Variants in PRELID2 observed in about 807,000 individuals in gnomAD.
PRELID2 encodes the protein PRELI domain containing 2.
Under a neutral mutation model 28.4 loss-of-function variants are expected in PRELID2, and 25 were observed. That is an observed-to-expected ratio of 0.88 (90% confidence interval 0.64 to 1.23). The LOEUF is 1.23. PRELID2 is among the 50% of genes most tolerant of loss of function. The pLI is 0.00. For missense variants in PRELID2, 201 were observed against 214.4 expected (o/e 0.94, Z 0.39); for synonymous variants, 76 against 71.6 (o/e 1.06, Z -0.31).
chr5:145,761,635 C>A (rs1757481654), intron 6 of PRELID2, among the ~76,000 whole-genome samples: 1 of 152,150 alleles, frequency 6.6e-6, no homozygotes. Flanking sequence ...ATATTATAGG[C>A]TTTGTAGCTA....
chr5:145,313,549 TTA>T, the PRELID2 span, among the ~76,000 whole-genome samples: 61,653 of 151,906 alleles, frequency 0.41, 13,630 homozygotes, highest in African/African-American at 0.59. Flanking sequence ...TTTATGCTGT[TTA>T]TAGCCCAATG....
chr5:145,447,510 G>A, the PRELID2 span, among the ~76,000 whole-genome samples: 2 of 124,222 alleles, frequency 1.6e-5, no homozygotes, highest in African/African-American at 6.1e-5. Flanking sequence ...TAGGGTACAT[G>A]TGCATATTGT....
chr5:145,487,791 G>GT lies in PRELID2; in HGVS notation n.71-14477dup, dbSNP rs935721081. Among the ~76,000 whole-genome samples, 417 of 148,130 alleles carry GT rather than the reference G, an allele frequency of 2.8e-3. 2 individuals carry two copies. The highest frequency in any genetic ancestry group is 9.3e-3 in the African/African-American group (375 of 40,540). On this transcript the variant is annotated intron_variant and non_coding_transcript_variant, in intron 1 of 2. Coordinates refer to the PRELID2 transcript ENST00000510259. The stretch of plus-strand genomic sequence containing the variant: ...GAAATAGGATTTTAAAACTATTTTT[G>GT]TTTTTTTTTTCTTTTCCAACAGCAG...
chr5:145,817,202 A>AAGAAAAT (rs1341052896), intron 4 of PRELID2, among the ~76,000 whole-genome samples: 1 of 51,388 alleles, frequency 1.9e-5, no homozygotes, highest in African/African-American at 5.2e-5. Context: ...AAAAAAAATA[A>AAGAAAAT]ATAAATAAAT....
intron 1 of PRELID2, among the ~76,000 whole-genome samples, chr5:145,581,284 G>C (rs1348774103): frequency 6.6e-6 from 1 of 152,032 alleles, no homozygotes; most frequent in African/African-American, 2.4e-5. Context: ...GAAGCCATGT[G>C]TTGTCAATAT....
At chr5:145,717,393 C>T (rs1023720309) in intron 1 of PRELID2, among the ~76,000 whole-genome samples, 4 of 152,008 alleles carry the variant, frequency 2.6e-5, no homozygotes, top group African/African-American at 9.7e-5. Context: ...CTCAGCTGTA[C>T]ACTTTAAAAT....
chr5:145,448,340 T>G, the PRELID2 span, among the ~76,000 whole-genome samples: 5 of 152,090 alleles, frequency 3.3e-5, no homozygotes, highest in South Asian at 2.1e-4. Context: ...TCTTGTAAAT[T>G]TGTTTGAGTT....
chr5:145,502,843 G>GT (rs35862613), intron 1 of PRELID2, among the ~76,000 whole-genome samples: 4,889 of 147,224 alleles, frequency 0.033, 248 homozygotes, highest in African/African-American at 0.11. Flanking sequence ...ATCCCCAGAA[G>GT]TTTTTTTTTT....
chr5:145,558,609 T>C (rs1240949742), intron 1 of PRELID2, among the ~76,000 whole-genome samples: 4 of 152,216 alleles, frequency 2.6e-5, no homozygotes, highest in South Asian at 2.1e-4. Context: ...CTTTAAGGCT[T>C]CCATTTTCAA....
At chr5:145,351,070 A>T in the PRELID2 span, among the ~76,000 whole-genome samples, 1 of 152,212 alleles carries the variant, frequency 6.6e-6, no homozygotes, top group African/African-American at 2.4e-5. Context: ...ACCACAACTT[A>T]CAAAAGAGGA....
the PRELID2 span, among the ~76,000 whole-genome samples, chr5:145,427,498 C>G: frequency 2.0e-5 from 3 of 152,064 alleles, no homozygotes; most frequent in Admixed American, 2.0e-4. Flanking sequence ...TAGTGGAGAG[C>G]GCAGAATCAG....
At chr5:145,286,184 T>G in the PRELID2 span, among the ~76,000 whole-genome samples, 1 of 152,190 alleles carries the variant, frequency 6.6e-6, no homozygotes, top group Non-Finnish European at 1.5e-5. Flanking sequence ...TTATTAGCAC[T>G]GTCTTAAGGT....
At chr5:145,741,631 T>A (rs189605962) in intron 1 of PRELID2, among the ~76,000 whole-genome samples, 2 of 4,864 alleles carry the variant, frequency 4.1e-4, no homozygotes, top group Non-Finnish European at 7.0e-4. Flanking sequence ...AATAATTTAT[T>A]TATAATTTAT....
chr5:145,458,458 ATACT>A, the PRELID2 span, among the ~76,000 whole-genome samples: 1 of 152,194 alleles, frequency 6.6e-6, no homozygotes, highest in Non-Finnish European at 1.5e-5. Flanking sequence ...TTTCGTTATA[ATACT>A]TAGTAGTGGT....
chr5:145,377,299 T>TCAA, the PRELID2 span, among the ~76,000 whole-genome samples: 1 of 152,210 alleles, frequency 6.6e-6, no homozygotes, highest in Middle Eastern at 3.2e-3. Context: ...TGAAGTGTTT[T>TCAA]ACTTCCAATT....
chr5:145,313,185 A>G, the PRELID2 span, among the ~76,000 whole-genome samples: 1 of 152,202 alleles, frequency 6.6e-6, no homozygotes, highest in Non-Finnish European at 1.5e-5. Flanking sequence ...ATAAATATAT[A>G]TAAGGTAACA....
the PRELID2 span, among the ~76,000 whole-genome samples, chr5:145,414,567 A>G: frequency 1.3e-5 from 2 of 152,120 alleles, no homozygotes; most frequent in Non-Finnish European, 2.9e-5. Flanking sequence ...CTTATTTCCA[A>G]TATGTTTAAG....
chr5:145,622,209 T>C (rs987350562), intron 1 of PRELID2, among the ~76,000 whole-genome samples: 1 of 152,100 alleles, frequency 6.6e-6, no homozygotes, highest in South Asian at 2.1e-4. Context: ...AGAACAAAAT[T>C]TTTTTTCAGG....
In PRELID2 at chr5:145,835,324, C is replaced by T; in HGVS notation, c.-73G>A. 3 of 979,898 alleles carry T rather than the reference C, an allele frequency of 3.1e-6. No individual in the cohort carries two copies. Among genetic ancestry groups the T allele is most frequent in the South Asian group, 1.5e-5 (1 of 67,312 alleles). The allele number at this position is 979,898 out of a possible 1,614,324, so 60.7% of individuals were successfully genotyped here. On this transcript the variant is annotated 5_prime_UTR_variant, in exon 1 of 7. Transcript: ENST00000683046. ...AGAGCTGCCCAGGGCTCCGCAGAGG[C>T]CCGGAGGCGCCCACACTCGGACAGC... is the stretch of plus-strand genomic sequence containing the variant.
Sources: gnomAD v4.1 joint callset for allele counts (sites outside exome capture counted in the v4.1 genomes callset) on GRCh38, gnomAD v4.1.1 for gene constraint, MANE v1.5 for transcripts, NCBI Gene and HGNC (gene_info 2026-07-23, HGNC 2026-07-21) for gene names.